ZNF250: variants seen among roughly 807,000 people sequenced by gnomAD.
ZNF250 encodes the protein zinc finger protein 250, also known as zinc finger protein (clone 647).
In ZNF250, 13 loss-of-function variants were observed where a neutral mutation model predicts 37.1. The observed-to-expected ratio is 0.35, with a 90% CI of 0.23 to 0.56. ZNF250 has a LOEUF of 0.56. Ranked by LOEUF, ZNF250 falls within the 20% of genes least tolerant of loss-of-function variation. The probability of loss-of-function intolerance (pLI) is 0.87; values close to 1 mark genes in which losing one functional copy is unlikely to be tolerated. For synonymous variants in ZNF250, 251 were observed against 265.6 expected, an observed-to-expected ratio of 0.94 and a Z score of 0.54; for missense variants, 474 against 697.9, an observed-to-expected ratio of 0.68 and a Z score of 3.61.
At position 144,901,176 on chromosome 8, in the gene ZNF250, C is replaced by T. The variant is rs1379077407; in HGVS notation, c.-55+223G>A. Among the ~76,000 whole-genome samples, 9 of 152,052 alleles carry T rather than the reference C, an allele frequency of 5.9e-5. No individual in the cohort carries two copies. In the East Asian group the frequency reaches 1.7e-3, roughly 29 times the overall value. On this transcript the variant is annotated intron_variant, in intron 1 of 5. Transcript: ENST00000417550. The surrounding 1 kb of genome is among the most constrained non-coding windows in gnomAD (Gnocchi z 5.4). Reference sequence around the variant, plus strand: ...CGGGAGGGCCTGAGGGGGTCCAAGGCCGGGCGAGGGGAAGGGTGGGAACCC... The same window carrying T: ...CGGGAGGGCCTGAGGGGGTCCAAGGTCGGGCGAGGGGAAGGGTGGGAACCC...
chr8:144,899,723 G>C (rs746139411), intron 1 of ZNF250, among the ~76,000 whole-genome samples: 19 of 152,142 alleles, frequency 1.2e-4, no homozygotes, highest in Middle Eastern at 3.4e-3. Flanking sequence ...TGACAAAAGC[G>C]GTTTTTCAAA....
intron 5 of ZNF250, among the ~76,000 whole-genome samples, chr8:144,886,516 T>C (rs1435139845): frequency 6.6e-6 from 1 of 152,216 alleles, no homozygotes; most frequent in African/African-American, 2.4e-5. Context: ...GCTTTTAGAA[T>C]AATGGTTTTG....
chr8:144,900,550 T>C (rs916179810), intron 1 of ZNF250, among the ~76,000 whole-genome samples: 30 of 152,216 alleles, frequency 2.0e-4, no homozygotes, highest in African/African-American at 7.2e-4. Context: ...GAAGAAGTAT[T>C]GCATATTATT....
intron 1 of ZNF250, among the ~76,000 whole-genome samples, chr8:144,892,927 T>C (rs1446694063): frequency 1.3e-5 from 2 of 150,616 alleles, no homozygotes; most frequent in Non-Finnish European, 2.9e-5. Context: ...TGGGGTGATC[T>C]TGGCTCACCG....
intron 5 of ZNF250, among the ~76,000 whole-genome samples, chr8:144,884,660 G>A (rs1468206939): frequency 6.6e-6 from 1 of 152,154 alleles, no homozygotes; most frequent in Non-Finnish European, 1.5e-5. Context: ...ACATATGCAA[G>A]AGTGGGAAGT....
At chr8:144,885,504 A>C (rs1831809976) in intron 5 of ZNF250, among the ~76,000 whole-genome samples, 1 of 145,758 alleles carries the variant, frequency 6.9e-6, no homozygotes, top group African/African-American at 2.5e-5. Context: ...TCACTCTATC[A>C]CCCAGGCTGG....
chr8:144,895,489 TAAG>T, intron 1 of ZNF250, among the ~76,000 whole-genome samples: 1 of 152,250 alleles, frequency 6.6e-6, no homozygotes, highest in Non-Finnish European at 1.5e-5. Context: ...AGGAGAGCGC[TAAG>T]AACAGGCTTG....
chr8:144,888,394 C>T (rs373173922), intron 4 of ZNF250, among the ~76,000 whole-genome samples: 3 of 151,858 alleles, frequency 2.0e-5, no homozygotes, highest in Non-Finnish European at 4.4e-5. Flanking sequence ...GTCAGGAGTT[C>T]GAGACTAGCC....
At chr8:144,898,865 C>G (rs1832898452) in intron 1 of ZNF250, among the ~76,000 whole-genome samples, 1 of 152,150 alleles carries the variant, frequency 6.6e-6, no homozygotes, top group African/African-American at 2.4e-5. Context: ...TATGACCCAG[C>G]AATTCCACTG....
At chr8:144,894,365 G>A (rs1221154807) in intron 1 of ZNF250, among the ~76,000 whole-genome samples, 1 of 151,922 alleles carries the variant, frequency 6.6e-6, no homozygotes, top group Non-Finnish European at 1.5e-5. Flanking sequence ...CTGCTCCAAG[G>A]TCCTCCCAGG....
Position 144,882,726 on chromosome 8 carries a change from T to C in ZNF250, c.457A>G (p.Asn153Asp). 1 of 1,614,040 alleles carries C rather than the reference T, an allele frequency of 6.2e-7. No individual in the cohort carries two copies. Among genetic ancestry groups the C allele is most frequent in the Non-Finnish European group, 8.5e-7 (1 of 1,179,884 alleles). The change falls in exon 6 of 6, where the codon AAT becomes GAT. Residue 153 changes from asparagine to aspartate, a missense_variant. By Grantham distance (23) the Asn-to-Asp change is conservative (BLOSUM62 1). Around this residue, in one of 2 missense-constraint regions of ZNF250, gnomAD observed 192 missense variants for 227.5 expected, o/e 0.84. Coordinates refer to ENST00000417550, the MANE Select transcript of ZNF250 (RefSeq NM_001109689.4). The surrounding 1 kb of genome is among the most constrained non-coding windows in gnomAD (Gnocchi z 5.5). Reference protein sequence around the residue: ...KTPLGRIDQENNETKQSFCLS... With the variant: ...KTPLGRIDQEDNETKQSFCLS... Reference sequence around the variant, plus strand: ...CAGAAGCTTTGCTTTGTTTCATTATTTTCTTGATCAATCCTCCCCAAGGGT... The same window carrying C: ...CAGAAGCTTTGCTTTGTTTCATTATCTTCTTGATCAATCCTCCCCAAGGGT...
Position 144,892,862 on chromosome 8 carries a change from A to ATTTT in ZNF250, c.-54-2463_-54-2460dup, listed in dbSNP as rs34744587. Among the ~76,000 whole-genome samples, 1,295 of 135,126 alleles carry ATTTT rather than the reference A, an allele frequency of 9.6e-3. 29 individuals carry two copies. The highest frequency in any genetic ancestry group is 0.035 in the African/African-American group (1,227 of 35,544). The allele number at this position is 135,126 out of a possible 152,430, so 88.6% of individuals were successfully genotyped here. A position where few individuals can be genotyped will look rare whatever the true frequency, so the allele number is the denominator to read the frequency against. ...CGTGAGCCACCGTGTCCAGCCACCAATTTTTTTTTTTTTTTGAGACGAAGT... is the reference window on the plus strand; with the variant it reads ...CGTGAGCCACCGTGTCCAGCCACCAATTTTTTTTTTTTTTTTTTTGAGACGAAGT... On this transcript the variant is annotated intron_variant, in intron 1 of 5. Transcript: ENST00000417550.
chr8:144,889,876 G>A (rs1832190157), intron 3 of ZNF250, 57 bp downstream of exon 3: 2 of 1,543,392 alleles, frequency 1.3e-6, no homozygotes, highest in Non-Finnish European at 1.7e-6. Context: ...ACCCTGAGAA[G>A]CCCCCACCCC....
chr8:144,896,766 T>A (rs1220998627), intron 1 of ZNF250, among the ~76,000 whole-genome samples: 1 of 152,018 alleles, frequency 6.6e-6, no homozygotes, highest in Non-Finnish European at 1.5e-5. Flanking sequence ...TGGGACAGGC[T>A]GGAGATCACC....
chr8:144,883,798 G>A (rs1831674222), intron 5 of ZNF250, among the ~76,000 whole-genome samples: 1 of 152,210 alleles, frequency 6.6e-6, no homozygotes, highest in South Asian at 2.1e-4. Flanking sequence ...AAAGGCAGGG[G>A]TGGAGACTCT....
chr8:144,881,286 G>T lies in ZNF250; in HGVS notation c.*229C>A. On this transcript the variant is annotated 3_prime_UTR_variant, in exon 6 of 6. Transcript: ENST00000417550. ...TTACCAAAATTCTCTACAATTGTAT[G>T]ATTACTCTCCAACATAACTTCAAGA... is the stretch of plus-strand genomic sequence containing the variant. The T allele has an allele frequency of 2.0e-6, 1 of 498,120 alleles. No individual in the cohort carries two copies. The highest frequency in any genetic ancestry group is 3.3e-6 in the Non-Finnish European group (1 of 302,572). 30.9% of individuals were successfully genotyped at this position (498,120 alleles called of 1,614,324 possible). A position where few individuals can be genotyped will look rare whatever the true frequency, so the allele number is the denominator to read the frequency against.
chr8:144,893,090 C>T (rs1227345084), intron 1 of ZNF250, among the ~76,000 whole-genome samples: 1 of 150,778 alleles, frequency 6.6e-6, no homozygotes, highest in Admixed American at 6.6e-5. Flanking sequence ...CTCGAACTCC[C>T]GACCTCAGGT....
chr8:144,900,184 C>T (rs375787951), intron 1 of ZNF250, among the ~76,000 whole-genome samples: 1 of 152,198 alleles, frequency 6.6e-6, no homozygotes, highest in South Asian at 2.1e-4. Context: ...AGTGACCTGT[C>T]AAAGCCCACA....
intron 1 of ZNF250, among the ~76,000 whole-genome samples, chr8:144,893,057 T>G (rs966974131): frequency 6.6e-6 from 1 of 150,924 alleles, no homozygotes; most frequent in Non-Finnish European, 1.5e-5. Context: ...GAGATGGGTT[T>G]TCACCATCTT....
Sources: allele counts gnomAD v4.1 joint callset (sites outside exome capture counted in the v4.1 genomes callset), GRCh38; gene constraint gnomAD v4.1.1; regional missense constraint gnomAD v4.1.1; non-coding constraint Gnocchi (gnomAD v3.1); transcripts MANE v1.5; gene names NCBI Gene and HGNC (gene_info 2026-07-23, HGNC 2026-07-21).